ATXN2: variants seen among roughly 807,000 people sequenced by gnomAD.
ATXN2 encodes the protein ataxin-2.
Under a neutral mutation model 138.6 loss-of-function variants are expected in ATXN2, and 37 were observed. That is an observed-to-expected ratio of 0.27 (90% CI 0.21 to 0.35). The LOEUF is 0.35. ATXN2 is among the 10% of genes least tolerant of loss of function. The probability of loss-of-function intolerance (pLI) is 1.00; values close to 1 mark genes in which losing one functional copy is unlikely to be tolerated. For missense variants in ATXN2, 1,216 were observed against 1,480.3 expected, an observed-to-expected ratio of 0.82 and a Z score of 2.93; for synonymous variants, 549 against 543.7, an observed-to-expected ratio of 1.01 and a Z score of -0.13.
At chr12:111,495,286 C>T (rs888935865) in intron 14 of ATXN2, among the ~76,000 whole-genome samples, 3 of 112,682 alleles carry the variant, frequency 2.7e-5, no homozygotes, top group African/African-American at 1.1e-4. Flanking sequence ...CCAGCCTGGG[C>T]AACAATAGCA....
At chr12:111,573,735 CA>C (rs1183299492) in intron 1 of ATXN2, among the ~76,000 whole-genome samples, 1 of 152,084 alleles carries the variant, frequency 6.6e-6, no homozygotes, top group Non-Finnish European at 1.5e-5. Flanking sequence ...AAAAGATATA[CA>C]AGTAATGCTC....
At chr12:111,569,359 T>C (rs1308118644) in intron 1 of ATXN2, among the ~76,000 whole-genome samples, 2 of 152,326 alleles carry the variant, frequency 1.3e-5, no homozygotes, top group African/African-American at 4.8e-5. Flanking sequence ...CAGTGCCTGG[T>C]ATGTTATTAA....
intron 18 of ATXN2, among the ~76,000 whole-genome samples, chr12:111,477,344 ACT>A (rs1281244782): frequency 1.3e-5 from 2 of 151,846 alleles, no homozygotes; most frequent in Non-Finnish European, 2.9e-5. Flanking sequence ...CAAGATCGAG[ACT>A]CTTGTTTCAA....
chr12:111,568,104 T>C (rs188700384), intron 1 of ATXN2, among the ~76,000 whole-genome samples: 1 of 151,622 alleles, frequency 6.6e-6, no homozygotes, highest in African/African-American at 2.4e-5. Flanking sequence ...CAAATAAAAA[T>C]ACAAAAATTA....
chr12:111,506,633 CCCCCCT>C (rs1455220345), intron 14 of ATXN2, among the ~76,000 whole-genome samples: 3 of 147,344 alleles, frequency 2.0e-5, no homozygotes, highest in East Asian at 4.1e-4. Flanking sequence ...TCTCCCTCTC[CCCCCCT>C]CCCCCTCCCC....
intron 21 of ATXN2, among the ~76,000 whole-genome samples, chr12:111,463,238 T>C (rs1392827359): frequency 1.3e-5 from 2 of 152,196 alleles, no homozygotes; most frequent in African/African-American, 4.8e-5. Context: ...TTCTAAAGGA[T>C]TTCTACAAAT....
intron 11 of ATXN2, chr12:111,510,796 G>A: frequency 5.1e-6 from 2 of 390,426 alleles, no homozygotes; most frequent in South Asian, 1.1e-4. Context: ...ACTAACATAA[G>A]TATGATTTTC....
chr12:111,505,220 A>T (rs953579644), intron 14 of ATXN2, among the ~76,000 whole-genome samples: 1 of 152,230 alleles, frequency 6.6e-6, no homozygotes, highest in Non-Finnish European at 1.5e-5. Context: ...AAAGAAAAAA[A>T]AAGTTGCTCC....
In ATXN2 at chr12:111,598,311, CCCCT is replaced by C. The variant is rs1885042022; in HGVS notation, c.251+469_251+472del. On this transcript the variant is annotated intron_variant, in intron 1 of 24. Transcript: ENST00000673436. The surrounding 1 kb of genome is among the most constrained non-coding windows in gnomAD (Gnocchi z 4.5). ...CACGGGGGACGCGGCCCTAACTTCT[CCCCT>C]CCAGAGATGTCCCCCATGGAGGGGG... The C allele has an allele frequency of 1.0e-6, 1 of 1,000,844 alleles. No homozygotes were observed. The highest frequency in any genetic ancestry group is 1.7e-5 in the African/African-American group (1 of 57,490). The allele number at this position is 1,000,844 out of a possible 1,614,324, so 62.0% of individuals were successfully genotyped here.
In ATXN2 at chr12:111,470,562, G is replaced by C. The variant is rs1381949233; in HGVS notation, c.2705C>G (p.Ser902Cys). The change falls in exon 19 of 25, where the codon TCT becomes TGT. Residue 902 changes from serine (S) to cysteine (C), a missense_variant. This residue lies in a region of ATXN2 where 490 missense variants were observed against 653.5 expected (regional missense o/e 0.75). Transcript: ENST00000673436. ...GTTAGGCCTTACCAGCCTTACCTGA[G>C]ACTGATAATGTGGCACATGCTGAAC... ...PLVQHVPHYQ[S>C]QHPHVYSPVI... The C allele has an allele frequency of 6.2e-7, 1 of 1,613,878 alleles. No individual in the cohort carries two copies. The highest frequency in any genetic ancestry group is 8.5e-7 in the Non-Finnish European group (1 of 1,179,934).
chr12:111,499,398 A>G (rs1878612280), intron 14 of ATXN2, among the ~76,000 whole-genome samples: 1 of 152,192 alleles, frequency 6.6e-6, no homozygotes, highest in Non-Finnish European at 1.5e-5. Flanking sequence ...ATCTGAATAG[A>G]CATTTCTCAA....
At chr12:111,513,703 G>C (rs1213168934) in intron 10 of ATXN2, among the ~76,000 whole-genome samples, 164 bp from the exon 11 acceptor site, 1 of 146,796 alleles carries the variant, frequency 6.8e-6, no homozygotes, top group African/African-American at 2.5e-5. Context: ...ATATTTTTTT[G>C]GCCATACTAA....
intron 22 of ATXN2, among the ~76,000 whole-genome samples, chr12:111,456,833 C>T (rs1030616997): frequency 2.0e-5 from 3 of 152,040 alleles, no homozygotes; most frequent in East Asian, 3.9e-4. Context: ...CTGCAAGCTC[C>T]GCCTCCCGGG....
intron 1 of ATXN2, among the ~76,000 whole-genome samples, chr12:111,596,880 T>G (rs1262884637): frequency 2.6e-5 from 4 of 152,206 alleles, no homozygotes; most frequent in African/African-American, 9.6e-5. Flanking sequence ...ATAATCTAAT[T>G]TTTAAGCCTA....
intron 5 of ATXN2, among the ~76,000 whole-genome samples, chr12:111,551,091 A>G (rs1395723855): frequency 1.3e-5 from 2 of 152,038 alleles, no homozygotes; most frequent in Admixed American, 1.3e-4. Context: ...GAGGTCAAAC[A>G]ATCGAGACCA....
rs781115949 is a variant in ATXN2, at chr12:111,464,654, C to T, written c.2896+8G>A. 6.2e-7 allele frequency: 1 copy of T among 1,603,956 alleles called. No individual in the cohort carries two copies. The highest frequency in any genetic ancestry group is 1.1e-5 in the South Asian group (1 of 90,524). Reference sequence around the variant, plus strand: ...CAATTAAAAATTAGTATAAAAAACCCAACTCACTGGCAAAGTAGAAAGAAG... The same window carrying T: ...CAATTAAAAATTAGTATAAAAAACCTAACTCACTGGCAAAGTAGAAAGAAG... On this transcript the variant is annotated splice_region_variant and intron_variant, in intron 21 of 24. Transcript: ENST00000673436.
At chr12:111,545,078 G>A (rs1227015378) in intron 5 of ATXN2, among the ~76,000 whole-genome samples, 1 of 151,612 alleles carries the variant, frequency 6.6e-6, no homozygotes, top group Non-Finnish European at 1.5e-5. Flanking sequence ...AGAATGGCGT[G>A]AACCCGGGAG....
intron 10 of ATXN2, among the ~76,000 whole-genome samples, chr12:111,514,469 C>G (rs749563243): frequency 6.6e-6 from 1 of 152,160 alleles, no homozygotes; most frequent in African/African-American, 2.4e-5. Flanking sequence ...CTCTCTCACC[C>G]GGCTGCCAAA....
At chr12:111,556,148 A>C (rs1882376787) in intron 1 of ATXN2, among the ~76,000 whole-genome samples, 1 of 152,194 alleles carries the variant, frequency 6.6e-6, no homozygotes, top group South Asian at 2.1e-4. Context: ...AGAAATAATC[A>C]AACTTCATCA....
Sources: gnomAD v4.1 joint callset for allele counts (sites outside exome capture counted in the v4.1 genomes callset) on GRCh38, gnomAD v4.1.1 for gene constraint, gnomAD v4.1.1 regional missense constraint, Gnocchi (gnomAD v3.1) non-coding constraint, MANE v1.5 for transcripts, NCBI Gene and HGNC (gene_info 2026-07-23, HGNC 2026-07-21) for gene names.